The following MBOAT1 variants were observed in gnomAD, a reference collection of about 807,000 sequenced individuals.
MBOAT1 encodes the protein membrane bound glycerophospholipid O-acyltransferase 1.
MBOAT1 carries 67 observed loss-of-function variants against 64.4 expected under a neutral mutation model. That is an observed-to-expected ratio of 1.04 (90% CI 0.85 to 1.27). The LOEUF is 1.27. Among genes scored for constraint, MBOAT1 ranks in the 50% most tolerant of loss-of-function variants. The probability of loss-of-function intolerance (pLI) is 0.00; values close to 1 mark genes in which losing one functional copy is unlikely to be tolerated. For synonymous variants in MBOAT1, 229 were observed against 218.9 expected (o/e 1.05, Z -0.41); for missense variants, 563 against 604.6 (o/e 0.93, Z 0.72).
At chr6:20,122,557 G>C (rs765325478) in intron 8 of MBOAT1, among the ~76,000 whole-genome samples, 5 of 152,170 alleles carry the variant, frequency 3.3e-5, no homozygotes, top group Non-Finnish European at 7.3e-5. Flanking sequence ...AAAGCTCTAA[G>C]TCAGATCTCT....
chr6:20,139,546 CTTTTTTTTTTT>C (rs70990010), intron 4 of MBOAT1, among the ~76,000 whole-genome samples: 1 of 69,186 alleles, frequency 1.4e-5, no homozygotes, highest in Admixed American at 2.2e-4. Context: ...ACATTTTAAC[CTTTTTTTTTTT>C]TTTTTTTTTT....
intron 1 of MBOAT1, among the ~76,000 whole-genome samples, chr6:20,167,634 T>C (rs1762050760): frequency 6.6e-6 from 1 of 152,260 alleles, no homozygotes; most frequent in Admixed American, 6.5e-5. Flanking sequence ...TAATCAGTGG[T>C]AATTGAGAAT....
At chr6:20,187,296 G>A in intron 1 of MBOAT1, among the ~76,000 whole-genome samples, 1 of 152,252 alleles carries the variant, frequency 6.6e-6, no homozygotes, top group East Asian at 1.9e-4. Flanking sequence ...CTAATCTCGA[G>A]TCTAGGTCTC....
At chr6:20,141,359 C>CTTTTTTTTTTTTTTTTTT (rs755615744) in intron 4 of MBOAT1, among the ~76,000 whole-genome samples, 3 of 99,808 alleles carry the variant, frequency 3.0e-5, no homozygotes, top group Admixed American at 1.2e-4. Flanking sequence ...TTTTCTTTTT[C>CTTTTTTTTTTTTTTTTTT]TTTTTTTTTT....
chr6:20,178,059 T>G (rs1463489263), intron 1 of MBOAT1, among the ~76,000 whole-genome samples: 5 of 152,190 alleles, frequency 3.3e-5, no homozygotes, highest in Admixed American at 1.3e-4. Flanking sequence ...AGTGCTCTAT[T>G]CTAACATTAA....
chr6:20,174,954 G>C (rs1233626001), intron 1 of MBOAT1, among the ~76,000 whole-genome samples: 2 of 152,116 alleles, frequency 1.3e-5, no homozygotes, highest in African/African-American at 2.4e-5. Context: ...GGCAGTATTA[G>C]TCACAAGAGG....
intron 6 of MBOAT1, among the ~76,000 whole-genome samples, chr6:20,128,406 G>A (rs1196834076): frequency 1.3e-5 from 2 of 151,634 alleles, no homozygotes; most frequent in African/African-American, 4.8e-5. Context: ...GGACAGCCTC[G>A]CAGAGGTACA....
At chr6:20,152,377 ATTAATTAATT>A (rs1260119430) in intron 2 of MBOAT1, among the ~76,000 whole-genome samples, 1 of 145,928 alleles carries the variant, frequency 6.9e-6, no homozygotes, top group African/African-American at 2.6e-5. Context: ...TAATTAATTA[ATTAATTAATT>A]AAAAAAAAGA....
intron 4 of MBOAT1, among the ~76,000 whole-genome samples, chr6:20,137,928 A>G (rs751047946): frequency 3.3e-5 from 5 of 152,262 alleles, no homozygotes; most frequent in Admixed American, 6.5e-5. Context: ...ATCTCTTGAC[A>G]AAATCCGAAA....
intron 4 of MBOAT1, among the ~76,000 whole-genome samples, chr6:20,131,556 T>G (rs1036290964): frequency 1.3e-5 from 2 of 152,220 alleles, no homozygotes; most frequent in African/African-American, 4.8e-5. Flanking sequence ...CAATTAAACC[T>G]CTTTCCTTTA....
At chr6:20,184,120 C>T (rs778970020) in intron 1 of MBOAT1, among the ~76,000 whole-genome samples, 2 of 152,120 alleles carry the variant, frequency 1.3e-5, no homozygotes, top group East Asian at 1.9e-4. Flanking sequence ...GTTACTCTTC[C>T]GTTTAAATTT....
chr6:20,203,742 G>T (rs1038847870), intron 1 of MBOAT1, among the ~76,000 whole-genome samples: 3 of 150,996 alleles, frequency 2.0e-5, no homozygotes, highest in Admixed American at 6.6e-5. Context: ...GACCAAACCA[G>T]AATGGAGTCA....
At chr6:20,130,377 G>A (rs181684853) in intron 5 of MBOAT1, among the ~76,000 whole-genome samples, 35 of 151,866 alleles carry the variant, frequency 2.3e-4, no homozygotes, top group South Asian at 4.2e-4. Flanking sequence ...TTGTTGTTAT[G>A]GAGTCTCGCT....
intron 1 of MBOAT1, among the ~76,000 whole-genome samples, chr6:20,184,175 A>T (rs953264439): frequency 6.6e-6 from 1 of 152,206 alleles, no homozygotes. Context: ...AGGAACTCAA[A>T]GCAAGAGGGG....
At chr6:20,194,934 T>C (rs1285814348) in intron 1 of MBOAT1, among the ~76,000 whole-genome samples, 1 of 151,734 alleles carries the variant, frequency 6.6e-6, no homozygotes, top group African/African-American at 2.4e-5. Flanking sequence ...CTATAACCTA[T>C]AGATTATAGA....
At chr6:20,200,770 A>G (rs1247893954) in intron 1 of MBOAT1, among the ~76,000 whole-genome samples, 5 of 152,036 alleles carry the variant, frequency 3.3e-5, no homozygotes, top group Non-Finnish European at 5.9e-5. Flanking sequence ...CACTCCCCCA[A>G]TACCATAACT....
chr6:20,212,349 TCG>T lies in MBOAT1; in HGVS notation c.-117_-116del. 1.1e-6 allele frequency: 1 copy of T among 922,304 alleles called. No individual in the cohort carries two copies. Among genetic ancestry groups the T allele is most frequent in the Admixed American group, 2.5e-5 (1 of 39,910 alleles). 57.1% of individuals were successfully genotyped at this position (922,304 alleles called of 1,614,324 possible). ...CCCGAGAGGCGCACGGCCGCCTGGT[TCG>T]CGGGGGAGCGAACGGGAGGCCGGGG... On this transcript the variant is annotated 5_prime_UTR_variant, in exon 1 of 13. Coordinates refer to ENST00000324607, the MANE Select transcript of MBOAT1 (RefSeq NM_001080480.3).
At chr6:20,117,049 GAGAC>G in intron 9 of MBOAT1, among the ~76,000 whole-genome samples, 1 of 152,348 alleles carries the variant, frequency 6.6e-6, no homozygotes, top group Non-Finnish European at 1.5e-5. Flanking sequence ...TTCCAAAACT[GAGAC>G]AGGTCATTCT....
intron 12 of MBOAT1, among the ~76,000 whole-genome samples, chr6:20,103,033 G>C (rs1759847759): frequency 6.6e-6 from 1 of 152,114 alleles, no homozygotes; most frequent in Non-Finnish European, 1.5e-5. Context: ...TTATGTAACT[G>C]GTTTATATAT....
Sources: allele counts gnomAD v4.1 joint callset (sites outside exome capture counted in the v4.1 genomes callset), GRCh38; gene constraint gnomAD v4.1.1; transcripts MANE v1.5; gene names NCBI Gene and HGNC (gene_info 2026-07-23, HGNC 2026-07-21).